PFKFB3: variants seen among roughly 807,000 people sequenced by gnomAD.
The protein encoded by PFKFB3 is 6-phosphofructo-2-kinase/fructose-2,6-bisphosphatase 3.
Under a neutral mutation model 68.0 loss-of-function variants are expected in PFKFB3, and 33 were observed. The ratio of observed to expected loss-of-function variants is 0.49; its 90% CI spans 0.37 to 0.65. The LOEUF (loss-of-function observed/expected upper bound fraction) is 0.65. Among genes scored for constraint, PFKFB3 ranks in the 30% least tolerant of loss-of-function variants. PFKFB3 has a pLI of 0.00. For synonymous variants in PFKFB3, 315 were observed against 288.2 expected, an observed-to-expected ratio of 1.09 and a Z score of -0.94; for missense variants, 586 against 712.2, an observed-to-expected ratio of 0.82 and a Z score of 2.02.
chr10:6,190,064 C>G (rs1348340785), intron 1 of PFKFB3, among the ~76,000 whole-genome samples: 1 of 152,070 alleles, frequency 6.6e-6, no homozygotes, highest in Non-Finnish European at 1.5e-5. Flanking sequence ...CTGCCTCAGC[C>G]TTCCGAGTAG....
At chr10:6,244,290 C>T (rs1389179376) in intron 14 of PFKFB3, among the ~76,000 whole-genome samples, 3 of 152,182 alleles carry the variant, frequency 2.0e-5, no homozygotes, top group Admixed American at 6.5e-5. Flanking sequence ...CAGGGAAACA[C>T]GAAGTGAAGG....
intron 1 of PFKFB3, chr10:6,146,552 T>C (rs1588371335): frequency 6.8e-7 from 1 of 1,461,076 alleles, no homozygotes; most frequent in Non-Finnish European, 9.2e-7. Context: ...AGAGTGTCCC[T>C]CCCCCCCTAC....
chr10:6,213,834 C>A, intron 2 of PFKFB3, 86 bp downstream of exon 2: 1 of 1,457,782 alleles, frequency 6.9e-7, no homozygotes, highest in Non-Finnish European at 9.4e-7. Flanking sequence ...GCAGGACCAC[C>A]CCTGGGCGCC....
At chr10:6,224,520 C>G (rs559619005) in intron 13 of PFKFB3, 40 of 517,004 alleles carry the variant, frequency 7.7e-5, no homozygotes, top group African/African-American at 7.5e-4. Context: ...TCAGTCTGTT[C>G]CCCAGGCTGG....
At chr10:6,314,231 C>G in the PFKFB3 span, among the ~76,000 whole-genome samples, 3 of 152,178 alleles carry the variant, frequency 2.0e-5, no homozygotes, top group South Asian at 2.1e-4. Context: ...AATTGAATAC[C>G]TACTGTGGTC....
chr10:6,149,542 G>T (rs1421682611), intron 1 of PFKFB3: 1 of 147,928 alleles, frequency 6.8e-6, no homozygotes, highest in Non-Finnish European at 1.5e-5. Flanking sequence ...AGCCGAGATC[G>T]TGCCACTGCA....
intron 1 of PFKFB3, among the ~76,000 whole-genome samples, chr10:6,150,492 T>C (rs12253392): frequency 0.093 from 14,080 of 150,900 alleles, 834 homozygotes; most frequent in African/African-American, 0.17. Flanking sequence ...GGCGTGGTGG[T>C]GGGCGCCTGT....
chr10:6,176,079 G>A (rs616246), intron 1 of PFKFB3, among the ~76,000 whole-genome samples: 87,477 of 152,156 alleles, frequency 0.57, 25,549 homozygotes, highest in South Asian at 0.66. Context: ...CGTTCCATCA[G>A]TGTGGAGAAG....
intron 1 of PFKFB3, among the ~76,000 whole-genome samples, chr10:6,204,837 A>G (rs902732531): frequency 2.0e-5 from 3 of 152,268 alleles, no homozygotes; most frequent in Non-Finnish European, 4.4e-5. Flanking sequence ...TGTAAACTGC[A>G]TTGGAGGCTA....
intron 1 of PFKFB3, among the ~76,000 whole-genome samples, chr10:6,159,870 C>G (rs553327629): frequency 6.6e-6 from 1 of 151,864 alleles, no homozygotes; most frequent in South Asian, 2.1e-4. Context: ...GCAATCCCCC[C>G]ACCTCAGCCT....
chr10:6,254,104 T>A (rs2132084625), intron 14 of PFKFB3: 1 of 383,226 alleles, frequency 2.6e-6, no homozygotes, highest in Non-Finnish European at 4.6e-6. Context: ...TGGCTTTTTT[T>A]TTTTTTTTTT....
At chr10:6,148,734 TGGA>T (rs1482846741) in intron 1 of PFKFB3, among the ~76,000 whole-genome samples, 1 of 152,146 alleles carries the variant, frequency 6.6e-6, no homozygotes, top group Non-Finnish European at 1.5e-5. Context: ...GGAACCACAA[TGGA>T]GGGACGCTGG....
chr10:6,316,501 C>CA, the PFKFB3 span, among the ~76,000 whole-genome samples: 48 of 151,906 alleles, frequency 3.2e-4, no homozygotes, highest in Admixed American at 1.2e-3. Flanking sequence ...CTTTTTTTGA[C>CA]AGAGTCTTGC....
chr10:6,230,560 A>T (rs11817400), intron 14 of PFKFB3, among the ~76,000 whole-genome samples: 4 of 152,050 alleles, frequency 2.6e-5, no homozygotes, highest in African/African-American at 9.7e-5. Context: ...TCAGGGAGGA[A>T]CTTGGTGCCC....
At chr10:6,171,784 TG>T (rs1842319912) in intron 1 of PFKFB3, among the ~76,000 whole-genome samples, 1 of 152,234 alleles carries the variant, frequency 6.6e-6, no homozygotes. Context: ...AACAGGTTGT[TG>T]GGGGTAGAAA....
intron 1 of PFKFB3, among the ~76,000 whole-genome samples, chr10:6,194,374 A>G (rs1231364220): frequency 1.3e-5 from 2 of 152,234 alleles, no homozygotes; most frequent in African/African-American, 4.8e-5. Context: ...TCTTTGGTGA[A>G]TTGCACAGAC....
intron 1 of PFKFB3, among the ~76,000 whole-genome samples, chr10:6,212,997 G>T (rs1775835789): frequency 6.6e-6 from 1 of 152,128 alleles, no homozygotes; most frequent in African/African-American, 2.4e-5. Flanking sequence ...CTCGGGAGAG[G>T]AATCCTTTCC....
the PFKFB3 span, among the ~76,000 whole-genome samples, chr10:6,292,712 A>G: frequency 1.8e-4 from 27 of 152,194 alleles, no homozygotes; most frequent in Non-Finnish European, 3.4e-4. Context: ...CAAACATCCC[A>G]TAGAACTAAA....
At chr10:6,322,629 A>G in the PFKFB3 span, among the ~76,000 whole-genome samples, 4 of 152,226 alleles carry the variant, frequency 2.6e-5, no homozygotes, top group Non-Finnish European at 4.4e-5. Context: ...GTGATGCTCC[A>G]GTAACACTGA....
Sources: allele counts gnomAD v4.1 joint callset (sites outside exome capture counted in the v4.1 genomes callset), GRCh38; gene constraint gnomAD v4.1.1; transcripts MANE v1.5; gene names NCBI Gene and HGNC (gene_info 2026-07-23, HGNC 2026-07-21).